Variants in AFF3 observed in about 807,000 individuals in gnomAD.
AFF3 encodes AF4/FMR2 family member 3.
In AFF3, 32 loss-of-function variants were observed where a neutral mutation model predicts 129.7. That is an observed-to-expected ratio of 0.25 (90% CI 0.19 to 0.33). AFF3 has a LOEUF of 0.33. Ranked by LOEUF, AFF3 falls within the 10% of genes least tolerant of loss-of-function variation. The pLI, the probability that AFF3 is intolerant of heterozygous loss-of-function variation, is 1.00. For missense variants in AFF3, 1,373 were observed against 1,592.0 expected, an observed-to-expected ratio of 0.86 and a Z score of 2.34; for synonymous variants, 644 against 635.4, an observed-to-expected ratio of 1.01 and a Z score of -0.20.
At chr2:99,992,301 T>C (rs1039826044) in intron 7 of AFF3, among the ~76,000 whole-genome samples, 1 of 152,236 alleles carries the variant, frequency 6.6e-6, no homozygotes, top group Non-Finnish European at 1.5e-5. Context: ...TCTAATTAAA[T>C]GTGGTCACCA....
intron 4 of AFF3, among the ~76,000 whole-genome samples, chr2:100,076,516 A>G (rs1688600420): frequency 1.3e-5 from 2 of 152,162 alleles, no homozygotes; most frequent in Admixed American, 1.3e-4. Context: ...TGCCTAAGAG[A>G]CAGGTCTCAA....
rs35379808 is a variant in AFF3, at chr2:99,732,347, CA to C, written c.1040-5220del. Among the ~76,000 whole-genome samples, 464 of 74,876 alleles carry C rather than the reference CA, an allele frequency of 6.2e-3. 1 individual carries two copies. Among genetic ancestry groups the C allele is most frequent in the African/African-American group, 8.9e-3 (222 of 24,828 alleles). The allele number at this position is 74,876 out of a possible 152,430, so 49.1% of individuals were successfully genotyped here. On this transcript the variant is annotated intron_variant, in intron 10 of 24. Transcript: ENST00000672756. The stretch of plus-strand genomic sequence containing the variant: ...TGGGCAACAGAGCGAGACTCTGTCT[CA>C]AAAAAAAAAAAAAAAAGAATTGTGT...
At chr2:99,994,335 G>A (rs1482315436) in intron 7 of AFF3, among the ~76,000 whole-genome samples, 1 of 152,112 alleles carries the variant, frequency 6.6e-6, no homozygotes, top group Non-Finnish European at 1.5e-5. Context: ...CTCCAAATTC[G>A]ATGAAACCAA....
intron 7 of AFF3, among the ~76,000 whole-genome samples, chr2:99,865,625 CTTAGAAG>C (rs1426160050): frequency 6.6e-6 from 1 of 152,100 alleles, no homozygotes; most frequent in African/African-American, 2.4e-5. Flanking sequence ...GTGTCTAAAA[CTTAGAAG>C]TTATAGTTGG....
chr2:99,787,755 A>G (rs1684911552), intron 8 of AFF3, among the ~76,000 whole-genome samples: 2 of 152,182 alleles, frequency 1.3e-5, no homozygotes, highest in African/African-American at 4.8e-5. Flanking sequence ...ACAAACAAAC[A>G]AACAACAATC....
At chr2:99,889,173 G>A (rs182782638) in intron 7 of AFF3, among the ~76,000 whole-genome samples, 285 of 152,046 alleles carry the variant, frequency 1.9e-3, no homozygotes, top group African/African-American at 6.4e-3. Flanking sequence ...GTGCTGTCCA[G>A]GCTGGAGTAC....
chr2:99,940,912 T>G (rs968507556), intron 7 of AFF3, among the ~76,000 whole-genome samples: 2 of 152,108 alleles, frequency 1.3e-5, no homozygotes, highest in Admixed American at 1.3e-4. Context: ...GCTCGTGATT[T>G]TTTTTCTGTT....
intron 7 of AFF3, among the ~76,000 whole-genome samples, chr2:99,871,084 C>T (rs971931911): frequency 7.9e-5 from 12 of 152,178 alleles, no homozygotes; most frequent in Admixed American, 5.9e-4. Context: ...AGCATTAACA[C>T]AAACTTTGTT....
intron 7 of AFF3, among the ~76,000 whole-genome samples, chr2:99,851,104 G>T (rs1041671396): frequency 1.3e-5 from 2 of 152,176 alleles, no homozygotes; most frequent in African/African-American, 4.8e-5. Context: ...GCTACAGGTT[G>T]CAGCAAACAA....
At chr2:99,852,602 C>A (rs899455279) in intron 7 of AFF3, among the ~76,000 whole-genome samples, 2 of 152,150 alleles carry the variant, frequency 1.3e-5, no homozygotes, top group African/African-American at 4.8e-5. Flanking sequence ...CCAGGGATAC[C>A]ATAGCGAGCA....
chr2:99,600,426 C>T (rs552563399), intron 14 of AFF3, among the ~76,000 whole-genome samples: 2 of 152,254 alleles, frequency 1.3e-5, no homozygotes, highest in Admixed American at 1.3e-4. Flanking sequence ...CCACTGCTTT[C>T]AGGTGTGATA....
At chr2:99,822,944 A>T (rs1226466924) in intron 8 of AFF3, among the ~76,000 whole-genome samples, 1 of 152,216 alleles carries the variant, frequency 6.6e-6, no homozygotes, top group Non-Finnish European at 1.5e-5. Context: ...TAGACCAGAC[A>T]GGAGGTTTTT....
chr2:99,744,807 T>C (rs1333495495), intron 9 of AFF3, among the ~76,000 whole-genome samples: 2 of 152,230 alleles, frequency 1.3e-5, no homozygotes, highest in Non-Finnish European at 2.9e-5. Flanking sequence ...TTGGGCTGTT[T>C]CTACCTTTTG....
chr2:99,774,059 C>T (rs1258964255), intron 8 of AFF3, among the ~76,000 whole-genome samples: 2 of 152,132 alleles, frequency 1.3e-5, no homozygotes, highest in East Asian at 3.8e-4. Context: ...AGAAGAACTA[C>T]AAACCACTGT....
chr2:99,775,813 CAAGATGACTATTTCA>C, intron 8 of AFF3, among the ~76,000 whole-genome samples: 1 of 152,240 alleles, frequency 6.6e-6, no homozygotes, highest in Middle Eastern at 3.4e-3. Flanking sequence ...TTTAGATTCT[CAAGATGACTATTTCA>C]AAGGACAGTA....
rs534795235 is a variant in AFF3, at chr2:99,943,971, C to T, written c.873+62661G>A. ...AGGCTGGATCACAGTAGCACCACCA[C>T]GGCTCACAGCCTCGACCTCCTGGGC... is the stretch of plus-strand genomic sequence containing the variant. On this transcript the variant is annotated intron_variant, in intron 7 of 24. Coordinates refer to ENST00000672756, the MANE Select transcript of AFF3 (RefSeq NM_001386135.1). Among the ~76,000 whole-genome samples the T allele has an allele frequency of 2.0e-4, 30 of 152,164 alleles. 1 individual carries two copies. In the South Asian group the frequency reaches 3.9e-3, roughly 20 times the overall value.
At chr2:99,604,776 G>A (rs897916008) in intron 13 of AFF3, among the ~76,000 whole-genome samples, 6 of 152,186 alleles carry the variant, frequency 3.9e-5, no homozygotes, top group African/African-American at 1.4e-4. Context: ...AAAGATATGT[G>A]TTTCTCTGTC....
chr2:99,786,231 C>G (rs1030019674), intron 8 of AFF3, among the ~76,000 whole-genome samples: 2 of 152,142 alleles, frequency 1.3e-5, no homozygotes, highest in Admixed American at 6.5e-5. Flanking sequence ...GTTGTTTAAT[C>G]CCTCAGGCTC....
chr2:99,866,075 T>C (rs542111946), intron 7 of AFF3, among the ~76,000 whole-genome samples: 2 of 152,322 alleles, frequency 1.3e-5, no homozygotes, highest in South Asian at 4.1e-4. Flanking sequence ...TCACACATGG[T>C]TGCTGAAGAG....
Sources: gnomAD v4.1 joint callset for allele counts (sites outside exome capture counted in the v4.1 genomes callset) on GRCh38, gnomAD v4.1.1 for gene constraint, MANE v1.5 for transcripts, NCBI Gene and HGNC (gene_info 2026-07-23, HGNC 2026-07-21) for gene names.